The following KCNC2 variants were observed in gnomAD, a reference collection of about 807,000 sequenced individuals.
KCNC2 encodes the protein voltage-gated potassium channel KCNC2.
In KCNC2, 21 loss-of-function variants were observed where a neutral mutation model predicts 44.5. That is an observed-to-expected ratio of 0.47 (90% CI 0.33 to 0.68). The LOEUF (loss-of-function observed/expected upper bound fraction) is 0.68. Among genes scored for constraint, KCNC2 ranks in the 30% least tolerant of loss-of-function variants. The pLI, the probability that KCNC2 is intolerant of heterozygous loss-of-function variation, is 0.01. For missense variants in KCNC2, 589 were observed against 826.2 expected, an observed-to-expected ratio of 0.71 and a Z score of 3.52; for synonymous variants, 391 against 339.1, an observed-to-expected ratio of 1.15 and a Z score of -1.68.
chr12:75,102,452 T>C (rs1886443281), intron 2 of KCNC2, among the ~76,000 whole-genome samples: 1 of 152,014 alleles, frequency 6.6e-6, no homozygotes, highest in South Asian at 2.1e-4. Context: ...AGTAGCATTA[T>C]TATCCAGGAA....
chr12:75,164,236 G>A (rs533512720), intron 2 of KCNC2, among the ~76,000 whole-genome samples: 4 of 151,594 alleles, frequency 2.6e-5, no homozygotes, highest in Middle Eastern at 3.4e-3. Flanking sequence ...ACTCAATGCC[G>A]TTCTCAAGTG....
chr12:75,075,546 C>T (rs538422410), intron 2 of KCNC2, among the ~76,000 whole-genome samples: 4 of 149,796 alleles, frequency 2.7e-5, no homozygotes, highest in Admixed American at 1.3e-4. Flanking sequence ...TGATTGAAAA[C>T]GAATTAGTGG....
At chr12:75,065,624 T>C (rs1351928981) in intron 2 of KCNC2, among the ~76,000 whole-genome samples, 1 of 152,066 alleles carries the variant, frequency 6.6e-6, no homozygotes, top group Non-Finnish European at 1.5e-5. Context: ...CAGTATTCAA[T>C]ACAATAACAT....
chr12:75,102,116 T>C (rs1406938534), intron 2 of KCNC2, among the ~76,000 whole-genome samples: 2 of 151,976 alleles, frequency 1.3e-5, no homozygotes, highest in African/African-American at 4.8e-5. Flanking sequence ...TGTATGAAAC[T>C]CTTAGGCAAC....
At chr12:75,146,014 C>T (rs373835491) in intron 2 of KCNC2, among the ~76,000 whole-genome samples, 11 of 147,706 alleles carry the variant, frequency 7.4e-5, no homozygotes, top group Admixed American at 1.4e-4. Flanking sequence ...AGTGCAGTGG[C>T]GCGATCTCTG....
At chr12:75,161,896 A>T (rs1891148124) in intron 2 of KCNC2, among the ~76,000 whole-genome samples, 1 of 151,806 alleles carries the variant, frequency 6.6e-6, no homozygotes, top group Admixed American at 6.6e-5. Context: ...AGGAAGACAC[A>T]TTGAGGAAGA....
intron 2 of KCNC2, among the ~76,000 whole-genome samples, chr12:75,186,862 G>A (rs529049560): frequency 6.6e-6 from 1 of 152,266 alleles, no homozygotes; most frequent in African/African-American, 2.4e-5. Flanking sequence ...ACAATGTTGA[G>A]CTAAATCCTT....
chr12:75,063,023 C>T (rs528851835), intron 2 of KCNC2, among the ~76,000 whole-genome samples: 2 of 152,070 alleles, frequency 1.3e-5, no homozygotes, highest in East Asian at 1.9e-4. Context: ...GATTGTTCTT[C>T]GAGATGTTAT....
At chr12:75,057,866 G>A (rs1380546814) in intron 2 of KCNC2, among the ~76,000 whole-genome samples, 2 of 151,228 alleles carry the variant, frequency 1.3e-5, no homozygotes, top group Non-Finnish European at 3.0e-5. Context: ...CTTCTACCAT[G>A]TTTTCTTTAT....
chr12:75,178,631 C>T (rs1231638909), intron 2 of KCNC2, among the ~76,000 whole-genome samples: 1 of 151,960 alleles, frequency 6.6e-6, no homozygotes, highest in Non-Finnish European at 1.5e-5. Context: ...CCTTGTAACC[C>T]TCAAATGGGG....
chr12:75,099,872 A>G (rs767440684), intron 2 of KCNC2, among the ~76,000 whole-genome samples: 5 of 152,190 alleles, frequency 3.3e-5, no homozygotes, highest in Non-Finnish European at 7.3e-5. Flanking sequence ...GAGCTTTCTC[A>G]GATACAAAAT....
intron 2 of KCNC2, among the ~76,000 whole-genome samples, chr12:75,172,759 A>G (rs1023768442): frequency 6.6e-6 from 1 of 151,846 alleles, no homozygotes; most frequent in Non-Finnish European, 1.5e-5. Flanking sequence ...AACCAAGTTC[A>G]AGCTTCCTCT....
intron 2 of KCNC2, among the ~76,000 whole-genome samples, chr12:75,182,520 C>CAAAAAAAAAAAAAAAAAAAAAAAAA (rs71438888): frequency 2.5e-5 from 2 of 81,420 alleles, no homozygotes; most frequent in African/African-American, 4.1e-5. Flanking sequence ...GATTCCGTCT[C>CAAAAAAAAAAAAAAAAAAAAAAAAA]AAAAAAAAAA....
intron 2 of KCNC2, among the ~76,000 whole-genome samples, chr12:75,098,870 A>G (rs1886150058): frequency 6.6e-6 from 1 of 152,164 alleles, no homozygotes; most frequent in South Asian, 2.1e-4. Flanking sequence ...AAAAGGACTC[A>G]GGAACATCAC....
chr12:75,205,027 A>G (rs2031577286), intron 2 of KCNC2, among the ~76,000 whole-genome samples: 1 of 152,136 alleles, frequency 6.6e-6, no homozygotes, highest in African/African-American at 2.4e-5. Flanking sequence ...CCTGGAATAC[A>G]TATATTTTAA....
chr12:75,133,900 A>G (rs1243327927), intron 2 of KCNC2, among the ~76,000 whole-genome samples: 1 of 150,970 alleles, frequency 6.6e-6, no homozygotes, highest in Admixed American at 6.6e-5. Flanking sequence ...ACAGGGATGA[A>G]CAGTTAATAA....
At chr12:75,171,556 T>C (rs2137582178) in intron 2 of KCNC2, among the ~76,000 whole-genome samples, 1 of 151,908 alleles carries the variant, frequency 6.6e-6, no homozygotes, top group South Asian at 2.1e-4. Flanking sequence ...GCAAGACAAA[T>C]ATCATATGTG....
rs1440671545 is a variant in KCNC2, at chr12:75,207,772, G to C, written c.212C>G (p.Ser71Cys). 2.5e-6 allele frequency: 4 copies of C among 1,578,732 alleles called. No individual in the cohort carries two copies. Among genetic ancestry groups the C allele is most frequent in the Non-Finnish European group, 3.4e-6 (4 of 1,163,334 alleles). Residue 71 changes from serine to cysteine, a missense_variant, in exon 2 of 5, where the codon TCC (serine) becomes TGC (cysteine). By Grantham distance (112) the Ser-to-Cys change is moderately radical (BLOSUM62 -1). Coordinates refer to ENST00000549446, the MANE Select transcript of KCNC2 (RefSeq NM_139137.4). This position sits in a 1 kb window ranked among gnomAD's most constrained non-coding sequence, Gnocchi z 4.1. ...CTCGAAGCAGCCGCCTGGCCCGGGG[G>C]ACAGCGGGGGCGCTCTCGGCGGCGG... ...LSPPPRAPPLSPGPGGCFEGG... is the reference protein window; with the variant it reads ...LSPPPRAPPLCPGPGGCFEGG...
At chr12:75,045,049 G>C (rs929662340) in intron 4 of KCNC2, among the ~76,000 whole-genome samples, 1 of 151,896 alleles carries the variant, frequency 6.6e-6, no homozygotes. Flanking sequence ...ATAACTTTGG[G>C]AATTGTAGGA....
Sources: allele counts gnomAD v4.1 joint callset (sites outside exome capture counted in the v4.1 genomes callset), GRCh38; gene constraint gnomAD v4.1.1; non-coding constraint Gnocchi (gnomAD v3.1); transcripts MANE v1.5; gene names NCBI Gene and HGNC (gene_info 2026-07-23, HGNC 2026-07-21).